The following RPRD2 variants were observed in gnomAD, a reference collection of about 807,000 sequenced individuals.
RPRD2 encodes the protein regulation of nuclear pre-mRNA domain containing 2.
Under a neutral mutation model 104.4 loss-of-function variants are expected in RPRD2, and 12 were observed. That is an observed-to-expected ratio of 0.11 (90% confidence interval 0.07 to 0.19). The LOEUF (loss-of-function observed/expected upper bound fraction) is 0.19. RPRD2 is among the 10% of genes least tolerant of loss of function. The pLI is 1.00. For missense variants in RPRD2, 1,543 were observed against 1,790.1 expected, an observed-to-expected ratio of 0.86 and a Z score of 2.49; for synonymous variants, 714 against 684.9, an observed-to-expected ratio of 1.04 and a Z score of -0.66.
intron 1 of RPRD2, among the ~76,000 whole-genome samples, chr1:150,365,430 A>G (rs1659760563): frequency 6.6e-6 from 1 of 152,176 alleles, no homozygotes; most frequent in South Asian, 2.1e-4. Flanking sequence ...GATGAATGTT[A>G]AGAAGCAGCA....
chr1:150,446,648 G>C (rs1249389257), intron 7 of RPRD2, among the ~76,000 whole-genome samples: 1 of 151,998 alleles, frequency 6.6e-6, no homozygotes, highest in African/African-American at 2.4e-5. Context: ...CATGTGTCTA[G>C]CAAAAAAGTA....
At chr1:150,428,717 C>T (rs1392625597) in intron 2 of RPRD2, among the ~76,000 whole-genome samples, 57 of 152,098 alleles carry the variant, frequency 3.7e-4, no homozygotes, top group Admixed American at 3.7e-3. Context: ...GCACATTATT[C>T]TGATGACTTC....
Position 150,472,795 on chromosome 1 carries a change from G to C in RPRD2, c.3847G>C (p.Gly1283Arg), listed in dbSNP as rs1417945084. Residue 1283 changes from glycine (G) to arginine (R), a missense_variant, in exon 11 of 11, where the codon GGT (glycine) becomes CGT (arginine). This residue lies in a region of RPRD2 where 880 missense variants were observed against 885.6 expected (regional missense o/e 0.99). Transcript: ENST00000369068. ...CCCTCCTGGGGAACATAGCAGCAGT[G>C]GTGGGAGTGGTGTCCCCTTTTCTAC... Reference protein sequence around the residue: ...PPPPGEHSSSGGSGVPFSTPP... With the variant: ...PPPPGEHSSSRGSGVPFSTPP... 6.2e-6 allele frequency: 10 copies of C among 1,611,300 alleles called. No homozygotes were observed. Among genetic ancestry groups the C allele is most frequent in the Non-Finnish European group, 8.5e-6 (10 of 1,177,742 alleles).
Position 150,473,555 on chromosome 1 carries a change from TTA to T in RPRD2, c.*222_*223del. 8.6e-6 allele frequency: 1 copy of T among 116,222 alleles called. No individual in the cohort carries two copies. Among genetic ancestry groups the T allele is most frequent in the Non-Finnish European group, 1.6e-5 (1 of 61,996 alleles). 7.2% of individuals were successfully genotyped at this position (116,222 alleles called of 1,614,324 possible). ...ATCTACCTTCCCCAAGTTGTTTGTATTAAAAAAAAAAAAAAAAAAAAAAAGTA... is the reference window on the plus strand; with the variant it reads ...ATCTACCTTCCCCAAGTTGTTTGTATAAAAAAAAAAAAAAAAAAAAAAGTA... On this transcript the variant is annotated 3_prime_UTR_variant, in exon 11 of 11. Transcript: ENST00000369068.
rs1553896876 is a variant in RPRD2, at chr1:150,452,661, C to CCTTTTTTTTTTTT, written c.871-4627_871-4626insCTTTTTTTTTTTT. Among the ~76,000 whole-genome samples, 4 of 71,220 alleles carry CCTTTTTTTTTTTT rather than the reference C, an allele frequency of 5.6e-5. 2 individuals carry two copies. Among genetic ancestry groups the CCTTTTTTTTTTTT allele is most frequent in the African/African-American group, 2.3e-4 (4 of 17,432 alleles). 46.7% of individuals were successfully genotyped at this position (71,220 alleles called of 152,430 possible). A position where few individuals can be genotyped will look rare whatever the true frequency, so the allele number is the denominator to read the frequency against. ...TTTCTGTGTTCTTTTGACATATCCC[C>CCTTTTTTTTTTTT]TTTTTTTTTTTTTTTTTTTTTTTTT... On this transcript the variant is annotated intron_variant, in intron 7 of 10. Transcript: ENST00000369068.
intron 1 of RPRD2, among the ~76,000 whole-genome samples, chr1:150,388,067 C>T (rs1182422914): frequency 6.6e-6 from 1 of 151,818 alleles, no homozygotes; most frequent in Non-Finnish European, 1.5e-5. Context: ...CAGGGGTGCA[C>T]TAGCACGCCC....
chr1:150,379,107 C>T (rs775390499), intron 1 of RPRD2, among the ~76,000 whole-genome samples: 65 of 146,526 alleles, frequency 4.4e-4, no homozygotes, highest in East Asian at 6.0e-4. Context: ...ATGGCGAAAC[C>T]CTGTGTCTAC....
At chr1:150,377,911 TA>T (rs1481824004) in intron 1 of RPRD2, among the ~76,000 whole-genome samples, 1 of 152,176 alleles carries the variant, frequency 6.6e-6, no homozygotes, top group Non-Finnish European at 1.5e-5. Context: ...CTCAGAGAAG[TA>T]AATTGATTAT....
intron 1 of RPRD2, among the ~76,000 whole-genome samples, chr1:150,388,401 C>CGTGTATATACACATGTATATAT (rs1553882430): frequency 6.9e-6 from 1 of 144,860 alleles, no homozygotes; most frequent in African/African-American, 2.5e-5. Flanking sequence ...CATGTATATA[C>CGTGTATATACACATGTATATAT]GTGTATATAC....
intron 10 of RPRD2, among the ~76,000 whole-genome samples, chr1:150,467,659 C>T (rs140044680): frequency 4.3e-4 from 65 of 152,210 alleles, no homozygotes; most frequent in African/African-American, 1.5e-3. Flanking sequence ...CAGGTGTGAA[C>T]CACCGTGCCT....
intron 2 of RPRD2, among the ~76,000 whole-genome samples, chr1:150,436,913 G>GA (rs1261557986): frequency 7.0e-6 from 1 of 143,076 alleles, no homozygotes; most frequent in African/African-American, 2.6e-5. Flanking sequence ...CAAATAAAAA[G>GA]AAAAAATACA....
chr1:150,444,203 A>G (rs369104281), intron 5 of RPRD2, 48 bp from the exon 6 acceptor site: 61 of 1,571,100 alleles, frequency 3.9e-5, no homozygotes, highest in Non-Finnish European at 5.1e-5. Context: ...GAGAATGAGA[A>G]TAATTGAATG....
intron 2 of RPRD2, among the ~76,000 whole-genome samples, chr1:150,418,828 G>A (rs1170485320): frequency 6.6e-6 from 1 of 152,126 alleles, no homozygotes; most frequent in Non-Finnish European, 1.5e-5. Flanking sequence ...TCAAGAGATG[G>A]TAAAACCCTG....
intron 1 of RPRD2, among the ~76,000 whole-genome samples, chr1:150,396,857 G>A (rs1662567706): frequency 1.3e-5 from 2 of 152,026 alleles, no homozygotes; most frequent in South Asian, 4.1e-4. Flanking sequence ...TAGACCAATG[G>A]AACGGAATAA....
chr1:150,472,119 A>C lies in RPRD2; in HGVS notation c.3171A>C (p.Gln1057His). The C allele has an allele frequency of 6.2e-7, 1 of 1,613,826 alleles. No homozygotes were observed. Among genetic ancestry groups the C allele is most frequent in the Non-Finnish European group, 8.5e-7 (1 of 1,179,896 alleles). ...PSLTATDQQQ[Q>H]EEHYRIETRV... ...TGACCGCCACTGATCAGCAGCAACA[A>C]GAAGAGCACTACCGCATAGAAACCC... The change falls in exon 11 of 11, where the codon CAA becomes CAC. Residue 1057 changes from glutamine to histidine, a missense_variant. Gln to His is a conservative substitution (Grantham distance 24). This residue lies in a region of RPRD2 where 880 missense variants were observed against 885.6 expected (regional missense o/e 0.99). Transcript: ENST00000369068.
chr1:150,422,373 AAAT>A, intron 2 of RPRD2, among the ~76,000 whole-genome samples: 1 of 59,408 alleles, frequency 1.7e-5, no homozygotes, highest in Admixed American at 1.4e-4. Context: ...ATAATAAATA[AAAT>A]TAAAATAAAA....
At chr1:150,373,106 C>T (rs931147500) in intron 1 of RPRD2, among the ~76,000 whole-genome samples, 6 of 151,938 alleles carry the variant, frequency 3.9e-5, no homozygotes, top group Admixed American at 6.6e-5. Flanking sequence ...CTCTGCCTCC[C>T]GGGTTCAAGC....
intron 2 of RPRD2, among the ~76,000 whole-genome samples, chr1:150,419,646 A>G (rs1381693483): frequency 2.0e-5 from 3 of 152,038 alleles, no homozygotes; most frequent in Non-Finnish European, 4.4e-5. Flanking sequence ...TTTGAGATGG[A>G]GTTTCGCTCT....
chr1:150,368,437 C>T (rs889129461), intron 1 of RPRD2, among the ~76,000 whole-genome samples: 15 of 148,184 alleles, frequency 1.0e-4, no homozygotes, highest in Non-Finnish European at 1.8e-4. Context: ...GGATTACAGG[C>T]GTGCACCACT....
Sources: allele counts gnomAD v4.1 joint callset (sites outside exome capture counted in the v4.1 genomes callset), GRCh38; gene constraint gnomAD v4.1.1; regional missense constraint gnomAD v4.1.1; transcripts MANE v1.5; gene names NCBI Gene and HGNC (gene_info 2026-07-23, HGNC 2026-07-21).